The following ACOXL variants were observed in gnomAD, a reference collection of about 807,000 sequenced individuals.
The protein encoded by ACOXL is acyl-coenzyme A oxidase-like protein.
A neutral mutation model predicts 71.9 loss-of-function variants in ACOXL; 70 were observed. That is an observed-to-expected ratio of 0.97 (90% CI 0.80 to 1.19). The LOEUF (loss-of-function observed/expected upper bound fraction) is 1.19. Ranked by LOEUF, ACOXL falls within the 50% of genes most tolerant of loss-of-function variation. The probability of loss-of-function intolerance (pLI) is 0.00; values close to 1 mark genes in which losing one functional copy is unlikely to be tolerated. For synonymous variants in ACOXL, 253 were observed against 281.6 expected (o/e 0.90, Z 1.02); for missense variants, 703 against 736.3 (o/e 0.95, Z 0.52).
At chr2:110,900,978 G>A (rs1026597948) in intron 10 of ACOXL, among the ~76,000 whole-genome samples, 1 of 152,196 alleles carries the variant, frequency 6.6e-6, no homozygotes, top group South Asian at 2.1e-4. Flanking sequence ...GTCTCCACGG[G>A]GGTCATCCCT....
chr2:111,046,229 G>A (rs920660811), intron 15 of ACOXL, among the ~76,000 whole-genome samples: 3 of 152,156 alleles, frequency 2.0e-5, no homozygotes, highest in South Asian at 2.1e-4. Context: ...AGTGGGCTCC[G>A]GGCTCCACAC....
chr2:111,039,079 C>CTA (rs1202277232), intron 15 of ACOXL, among the ~76,000 whole-genome samples: 2 of 152,238 alleles, frequency 1.3e-5, no homozygotes, highest in Non-Finnish European at 2.9e-5. Context: ...ATCATGGAAA[C>CTA]TATTGAGTTT....
At chr2:111,046,327 C>T (rs1419267225) in intron 15 of ACOXL, among the ~76,000 whole-genome samples, 2 of 152,190 alleles carry the variant, frequency 1.3e-5, no homozygotes, top group Non-Finnish European at 2.9e-5. Context: ...GATTTAAAGT[C>T]AGGTCTGTCT....
intron 10 of ACOXL, among the ~76,000 whole-genome samples, chr2:110,889,265 G>A (rs1474269292): frequency 6.6e-6 from 1 of 152,194 alleles, no homozygotes; most frequent in African/African-American, 2.4e-5. Context: ...GTAGCAGCAA[G>A]TGGAAATTCA....
At chr2:110,787,828 G>A (rs73956454) in intron 3 of ACOXL, among the ~76,000 whole-genome samples, 1,868 of 152,132 alleles carry the variant, frequency 0.012, 43 homozygotes, top group African/African-American at 0.043. Flanking sequence ...TGTCCTTCCC[G>A]CAGGGATGCC....
At chr2:110,736,302 G>C (rs1182644252) in intron 1 of ACOXL, among the ~76,000 whole-genome samples, 2 of 152,008 alleles carry the variant, frequency 1.3e-5, no homozygotes, top group African/African-American at 4.8e-5. Flanking sequence ...TCACATTGTT[G>C]TGCAACCATC....
chr2:111,010,460 G>A (rs917408504), intron 14 of ACOXL, among the ~76,000 whole-genome samples: 1 of 151,928 alleles, frequency 6.6e-6, no homozygotes, highest in African/African-American at 2.4e-5. Flanking sequence ...ATGACCTGTG[G>A]GGTAGTAACA....
At chr2:110,836,154 A>T (rs1362821408) in intron 9 of ACOXL, among the ~76,000 whole-genome samples, 1 of 152,158 alleles carries the variant, frequency 6.6e-6, no homozygotes, top group East Asian at 1.9e-4. Flanking sequence ...AGGCCCATGG[A>T]ATCAGTAAGA....
chr2:110,900,086 TACACAC>T (rs60758688), intron 10 of ACOXL, among the ~76,000 whole-genome samples: 25,045 of 143,014 alleles, frequency 0.18, 2,345 homozygotes, highest in Non-Finnish European at 0.23. Context: ...CACACACACA[TACACAC>T]ACACACACAC....
chr2:110,816,408 T>C (rs925279403), intron 9 of ACOXL, among the ~76,000 whole-genome samples: 1 of 152,212 alleles, frequency 6.6e-6, no homozygotes, highest in Non-Finnish European at 1.5e-5. Flanking sequence ...TTATTGGCCC[T>C]GGAATCATGA....
At chr2:111,034,014 C>G (rs979451626) in intron 15 of ACOXL, among the ~76,000 whole-genome samples, 1 of 152,198 alleles carries the variant, frequency 6.6e-6, no homozygotes, top group Admixed American at 6.5e-5. Context: ...GCTGCACAGC[C>G]TGCTTGCTGA....
Position 110,919,402 on chromosome 2 carries a change from G to A in ACOXL, c.905+10497G>A, listed in dbSNP as rs1007673694. On this transcript the variant is annotated intron_variant, in intron 11 of 17. Transcript: ENST00000439055. ...AGGGGAACATCACACACCGGGGCCTGTTAGGGGGTGGGGGGGCAAGGGGAG... is the reference window on the plus strand; with the variant it reads ...AGGGGAACATCACACACCGGGGCCTATTAGGGGGTGGGGGGGCAAGGGGAG... 1.1e-4 allele frequency among the ~76,000 whole-genome samples: 15 copies of A among 131,836 alleles called. No individual in the cohort carries two copies. The Admixed American group carries it at 1.2e-3, about 11-fold the overall frequency. The allele number at this position is 131,836 out of a possible 152,430, so 86.5% of individuals were successfully genotyped here.
chr2:111,097,704 C>A (rs1305534899), intron 17 of ACOXL, among the ~76,000 whole-genome samples: 3 of 152,146 alleles, frequency 2.0e-5, no homozygotes, highest in Non-Finnish European at 2.9e-5. Context: ...AGCTCCTTCC[C>A]AGTGACCAAG....
intron 11 of ACOXL, among the ~76,000 whole-genome samples, chr2:110,912,159 G>A (rs528608221): frequency 5.7e-4 from 87 of 152,188 alleles, no homozygotes; most frequent in Admixed American, 5.6e-3. Flanking sequence ...TCATGGATCA[G>A]AAGATGTAAT....
intron 10 of ACOXL, among the ~76,000 whole-genome samples, chr2:110,884,353 C>T (rs566637414): frequency 6.6e-6 from 1 of 152,272 alleles, no homozygotes; most frequent in African/African-American, 2.4e-5. Context: ...GGGAGGGTAT[C>T]TTTCAAATGA....
chr2:110,832,018 C>T (rs1336778587), intron 9 of ACOXL, among the ~76,000 whole-genome samples: 1 of 152,108 alleles, frequency 6.6e-6, no homozygotes, highest in East Asian at 1.9e-4. Flanking sequence ...GTGAGACCTC[C>T]TGTCTAAATA....
chr2:110,768,546 C>A, intron 2 of ACOXL, 82 bp downstream of exon 2: 1 of 1,257,708 alleles, frequency 8.0e-7, no homozygotes, highest in South Asian at 1.3e-5. Context: ...GAGTTTTTTT[C>A]TCTCCAGCTT....
chr2:110,830,812 C>T (rs540671331), intron 9 of ACOXL, among the ~76,000 whole-genome samples: 7 of 152,200 alleles, frequency 4.6e-5, no homozygotes, highest in South Asian at 4.1e-4. Context: ...GGATTACAGG[C>T]GTGAGCCACC....
Position 110,767,511 on chromosome 2 carries a change from G to C in ACOXL, c.-22-857G>C, listed in dbSNP as rs553050428. On this transcript the variant is annotated intron_variant, in intron 1 of 17. Transcript: ENST00000439055. ...GTCACCTCTTGGGCAGGCATGGCCT[G>C]ACTCTAGAACCTTGTGAGGCTCAAC... Among the ~76,000 whole-genome samples, 3 of 152,334 alleles carry C rather than the reference G, an allele frequency of 2.0e-5. No individual in the cohort carries two copies. The South Asian group carries it at 6.2e-4, about 32-fold the overall frequency.
Sources: gnomAD v4.1 joint callset for allele counts (sites outside exome capture counted in the v4.1 genomes callset) on GRCh38, gnomAD v4.1.1 for gene constraint, MANE v1.5 for transcripts, NCBI Gene and HGNC (gene_info 2026-07-23, HGNC 2026-07-21) for gene names.